Variants in PHACTR1 observed in about 807,000 individuals in gnomAD.
PHACTR1 encodes phosphatase and actin regulator 1, also known as RPEL repeat containing 1.
Under a neutral mutation model 69.2 loss-of-function variants are expected in PHACTR1, and 16 were observed. The ratio of observed to expected loss-of-function variants is 0.23; its 90% confidence interval spans 0.16 to 0.35. PHACTR1 has a LOEUF of 0.35. Ranked by LOEUF, PHACTR1 falls within the 10% of genes least tolerant of loss-of-function variation. The pLI is 1.00. For missense variants in PHACTR1, 510 were observed against 734.7 expected (o/e 0.69, Z 3.54); for synonymous variants, 312 against 284.5 (o/e 1.10, Z -0.97).
intron 10 of PHACTR1, chr6:13,272,500 A>C: frequency 2.8e-6 from 1 of 356,352 alleles, no homozygotes; most frequent in Non-Finnish European, 5.2e-6. Context: ...GAGAGAGGCA[A>C]GAGGCCACAG....
Position 13,064,796 on chromosome 6 carries a change from G to C in PHACTR1, c.415+11267G>C, listed in dbSNP as rs543377861. Among the ~76,000 whole-genome samples, 237 of 150,224 alleles carry C rather than the reference G, an allele frequency of 1.6e-3. 1 individual carries two copies. The highest frequency in any genetic ancestry group is 5.6e-3 in the African/African-American group (228 of 40,996). The stretch of plus-strand genomic sequence containing the variant: ...GTTTGGCATGAGGCCCAGTCACAAA[G>C]GCCCTTTGCGACTGGGCTCAAGGAA... On this transcript the variant is annotated intron_variant, in intron 5 of 14. Coordinates refer to ENST00000332995, the MANE Select transcript of PHACTR1 (RefSeq NM_030948.6).
chr6:12,793,481 G>A (rs974999155), intron 4 of PHACTR1, among the ~76,000 whole-genome samples: 1 of 152,144 alleles, frequency 6.6e-6, no homozygotes, highest in African/African-American at 2.4e-5. Context: ...AATAAATGAT[G>A]TTGTTCTTTA....
intron 1 of PHACTR1, among the ~76,000 whole-genome samples, 197 bp downstream of exon 1, chr6:12,717,093 T>A (rs1466740628): frequency 6.6e-6 from 1 of 152,150 alleles, no homozygotes; most frequent in Non-Finnish European, 1.5e-5. Context: ...GGAAGAGTTA[T>A]TTTCAGCCTA....
At chr6:13,186,783 C>T (rs987601645) in intron 7 of PHACTR1, among the ~76,000 whole-genome samples, 4 of 152,054 alleles carry the variant, frequency 2.6e-5, no homozygotes, top group South Asian at 2.1e-4. Context: ...GGAGGTGGGG[C>T]GGGAGAGATT....
intron 12 of PHACTR1, 113 bp downstream of exon 12, chr6:13,278,442 T>C: frequency 1.1e-6 from 1 of 870,406 alleles, no homozygotes; most frequent in South Asian, 1.6e-5. Context: ...TCTCCTCCTG[T>C]GTCAGAGAGT....
intron 4 of PHACTR1, among the ~76,000 whole-genome samples, chr6:12,771,897 A>G (rs73360024): frequency 0.072 from 10,911 of 152,152 alleles, 1,186 homozygotes; most frequent in African/African-American, 0.24. Flanking sequence ...GGGAAATGGA[A>G]GAAACAGCAG....
At chr6:12,883,080 G>C (rs1452039673) in intron 4 of PHACTR1, among the ~76,000 whole-genome samples, 1 of 152,182 alleles carries the variant, frequency 6.6e-6, no homozygotes, top group Admixed American at 6.5e-5. Context: ...GGTCCCCACA[G>C]GTAGGCTGAG....
rs2127615643 is a variant in PHACTR1 at position 12,764,389 on chromosome 6, A to G, written c.250+14599A>G. On this transcript the variant is annotated intron_variant, in intron 4 of 14. Transcript: ENST00000332995. ...AGCTCAAATAGAACCCAATAGTCAC[A>G]ATGAATCTTGAGCACAGTCTAGTAT... Among the ~76,000 whole-genome samples, 2 of 152,326 alleles carry G rather than the reference A, an allele frequency of 1.3e-5. 1 individual carries two copies. Among genetic ancestry groups the G allele is most frequent in the South Asian group, 4.2e-4 (2 of 4,812 alleles).
chr6:12,995,463 C>T (rs1797316720), intron 4 of PHACTR1, among the ~76,000 whole-genome samples: 1 of 151,458 alleles, frequency 6.6e-6, no homozygotes, highest in Non-Finnish European at 1.5e-5. Flanking sequence ...CAAATATTAA[C>T]CGAAAGTAAA....
intron 8 of PHACTR1, among the ~76,000 whole-genome samples, chr6:13,211,928 A>G (rs185607732): frequency 2.4e-4 from 36 of 152,216 alleles, no homozygotes; most frequent in Middle Eastern, 6.8e-3. Flanking sequence ...ACACACACAC[A>G]CACAATGCGT....
At chr6:12,837,934 T>C (rs901401717) in intron 4 of PHACTR1, among the ~76,000 whole-genome samples, 1 of 152,194 alleles carries the variant, frequency 6.6e-6, no homozygotes, top group Admixed American at 6.5e-5. Flanking sequence ...TGCAAAGGTG[T>C]TGGCCAGGGC....
intron 6 of PHACTR1, among the ~76,000 whole-genome samples, chr6:13,166,425 A>G (rs961973358): frequency 1.3e-5 from 2 of 152,146 alleles, no homozygotes; most frequent in African/African-American, 4.8e-5. Context: ...TTGTAGCCCA[A>G]GTGTCTATAG....
Position 12,830,811 on chromosome 6 carries a change from G to A in PHACTR1, c.250+81021G>A, listed in dbSNP as rs1014170036. 4.6e-5 allele frequency among the ~76,000 whole-genome samples: 7 copies of A among 151,922 alleles called. No homozygotes were observed. The East Asian group carries it at 1.4e-3, about 29-fold the overall frequency. On this transcript the variant is annotated intron_variant, in intron 4 of 14. Transcript: ENST00000332995. The stretch of plus-strand genomic sequence containing the variant: ...GGGTTTCATCATGTTGGCCAGGCTG[G>A]TCTCGAACTCCCAACCTCAGGTGAT...
At chr6:12,910,964 G>A (rs1489151128) in intron 4 of PHACTR1, among the ~76,000 whole-genome samples, 1 of 152,150 alleles carries the variant, frequency 6.6e-6, no homozygotes, top group African/African-American at 2.4e-5. Flanking sequence ...TGGCATAGGA[G>A]CTCAGAGGGA....
intron 4 of PHACTR1, among the ~76,000 whole-genome samples, chr6:12,853,305 T>G (rs983403337): frequency 6.6e-6 from 1 of 152,204 alleles, no homozygotes; most frequent in Admixed American, 6.5e-5. Context: ...TTCCTATTCA[T>G]GGACTCAGCC....
chr6:13,150,460 C>A (rs1824131899), intron 5 of PHACTR1, among the ~76,000 whole-genome samples: 1 of 152,136 alleles, frequency 6.6e-6, no homozygotes, highest in Non-Finnish European at 1.5e-5. Context: ...GGGTTACTGG[C>A]AAAATGTTTA....
At chr6:12,935,837 C>T (rs1319514997) in intron 4 of PHACTR1, among the ~76,000 whole-genome samples, 4 of 152,072 alleles carry the variant, frequency 2.6e-5, no homozygotes, top group Admixed American at 6.5e-5. Context: ...GCCCTTCACT[C>T]GTGGGAGCTG....
intron 4 of PHACTR1, among the ~76,000 whole-genome samples, chr6:12,897,484 A>C (rs1393119486): frequency 6.6e-6 from 1 of 151,816 alleles, no homozygotes. Flanking sequence ...TAAAGCCTCC[A>C]CCAATCCTGC....
chr6:12,988,665 A>G (rs565424250), intron 4 of PHACTR1, among the ~76,000 whole-genome samples: 2 of 152,328 alleles, frequency 1.3e-5, no homozygotes, highest in East Asian at 1.9e-4. Flanking sequence ...CTGAGAGGTT[A>G]AGCAATTTGA....
Sources: gnomAD v4.1 joint callset for allele counts (sites outside exome capture counted in the v4.1 genomes callset) on GRCh38, gnomAD v4.1.1 for gene constraint, MANE v1.5 for transcripts, NCBI Gene and HGNC (gene_info 2026-07-23, HGNC 2026-07-21) for gene names.